ABCB4: variants seen among roughly 807,000 people sequenced by gnomAD.
ABCB4 encodes ATP binding cassette subfamily B member 4.
In ABCB4, 76 loss-of-function variants were observed where a neutral mutation model predicts 145.7. The ratio of observed to expected loss-of-function variants is 0.52; its 90% confidence interval spans 0.43 to 0.63. The LOEUF (loss-of-function observed/expected upper bound fraction) is 0.63. ABCB4 is among the 30% of genes least tolerant of loss of function. The pLI, the probability that ABCB4 is intolerant of heterozygous loss-of-function variation, is 0.00. For missense variants in ABCB4, 1,234 were observed against 1,553.1 expected, an observed-to-expected ratio of 0.79 and a Z score of 3.45; for synonymous variants, 517 against 566.8, an observed-to-expected ratio of 0.91 and a Z score of 1.25.
At position 87,409,238 on chromosome 7, in the gene ABCB4, G is replaced by T. The variant is rs758770046; in HGVS notation, c.3079C>A (p.Pro1027Thr). The change falls in exon 24 of 28, where the codon CCT becomes ACT. Residue 1027 changes from proline to threonine, a missense_variant and splice_region_variant. Physicochemically the swap from Pro to Thr is conservative, Grantham distance 38 (BLOSUM62 -1). Around this residue, in one of 7 missense-constraint regions of ABCB4, gnomAD observed 301 missense variants for 389.0 expected, o/e 0.77. Transcript: ENST00000649586. ...TCATCAGGCATCAGAGAACTTACAGGCTTCAGCCCCTCTTCACTGTAGCTG... is the reference window on the plus strand; with the variant it reads ...TCATCAGGCATCAGAGAACTTACAGTCTTCAGCCCCTCTTCACTGTAGCTG... ...IDSYSEEGLK[P>T]DKFEGNITFN... 14 of 1,613,856 alleles carry T rather than the reference G, an allele frequency of 8.7e-6. No homozygotes were observed. Among genetic ancestry groups the T allele is most frequent in the Non-Finnish European group, 1.2e-5 (14 of 1,179,958 alleles).
At chr7:87,425,292 T>C (rs1315607012) in intron 16 of ABCB4, among the ~76,000 whole-genome samples, 1 of 152,172 alleles carries the variant, frequency 6.6e-6, no homozygotes, top group Non-Finnish European at 1.5e-5. Context: ...TATAAAATAC[T>C]GGAGTTTAAA....
intron 21 of ABCB4, among the ~76,000 whole-genome samples, chr7:87,415,737 G>T (rs1808926187): frequency 6.6e-6 from 1 of 152,174 alleles, no homozygotes; most frequent in South Asian, 2.1e-4. Flanking sequence ...AATAACCCAA[G>T]ATTTTGTTTT....
downstream of ABCB4, among the ~76,000 whole-genome samples, chr7:87,396,994 T>G (rs1388950558): frequency 6.6e-6 from 1 of 152,222 alleles, no homozygotes; most frequent in Non-Finnish European, 1.5e-5. Flanking sequence ...TCATTACAAA[T>G]AATGTATAAG....
the ABCB4 span, among the ~76,000 whole-genome samples, chr7:87,372,548 A>G: frequency 1.3e-5 from 2 of 152,202 alleles, no homozygotes; most frequent in African/African-American, 4.8e-5. Context: ...CAGAATTTGA[A>G]TCACTATTTA....
chr7:87,367,904 C>T, the ABCB4 span, among the ~76,000 whole-genome samples: 1 of 152,166 alleles, frequency 6.6e-6, no homozygotes, highest in African/African-American at 2.4e-5. Flanking sequence ...ACTTGGCATA[C>T]CTTCTCTTCA....
chr7:87,367,318 G>T, the ABCB4 span, among the ~76,000 whole-genome samples: 1 of 152,152 alleles, frequency 6.6e-6, no homozygotes, highest in Admixed American at 6.5e-5. Context: ...AGGGGTTCAT[G>T]AGCCCAAGGA....
At chr7:87,434,368 C>A (rs1562971072) in intron 14 of ABCB4, among the ~76,000 whole-genome samples, 1 of 152,092 alleles carries the variant, frequency 6.6e-6, no homozygotes, top group Non-Finnish European at 1.5e-5. Flanking sequence ...TATCTTTCTT[C>A]AAGATCTTAT....
chr7:87,390,017 C>G, the ABCB4 span, among the ~76,000 whole-genome samples: 1 of 151,970 alleles, frequency 6.6e-6, no homozygotes, highest in Non-Finnish European at 1.5e-5. Context: ...TCCTACCTTT[C>G]TCTTATTGTA....
rs1156251299 is a variant in ABCB4 at position 87,408,103 on chromosome 7, A to G, written c.3213T>C (p.Ser1071=). 1 of 1,614,102 alleles carries G rather than the reference A, an allele frequency of 6.2e-7. No individual in the cohort carries two copies. The highest frequency in any genetic ancestry group is 1.3e-5 in the African/African-American group (1 of 74,944). Residue 1071 remains serine, a synonymous_variant, in exon 25 of 28, where the codon AGT becomes AGC. Coordinates refer to ENST00000649586, the MANE Select transcript of ABCB4 (RefSeq NM_000443.4). The part of the protein sequence containing the change: ...KGQTLALVGS[S]GCGKSTVVQL... ...GGACCACCGTGCTCTTCCCACAGCCACTGCTGCCCACCAGGGCTAGTGTCT... is the reference window on the plus strand; with the variant it reads ...GGACCACCGTGCTCTTCCCACAGCCGCTGCTGCCCACCAGGGCTAGTGTCT...
intron 22 of ABCB4, 32 bp from the exon 23 acceptor site, chr7:87,412,065 C>T (rs764407509): frequency 6.2e-7 from 1 of 1,612,688 alleles, no homozygotes; most frequent in South Asian, 1.1e-5. Flanking sequence ...TTGTAACCAT[C>T]TCTTCAGCCT....
intron 17 of ABCB4, 154 bp downstream of exon 17, chr7:87,423,752 C>T: frequency 1.2e-6 from 1 of 845,172 alleles, no homozygotes; most frequent in Non-Finnish European, 1.9e-6. Flanking sequence ...TTATCTTTTC[C>T]CTCACAGCTT....
the ABCB4 span, among the ~76,000 whole-genome samples, chr7:87,392,346 A>T: frequency 6.6e-6 from 1 of 152,156 alleles, no homozygotes; most frequent in Non-Finnish European, 1.5e-5. Context: ...CCACAAGTTC[A>T]TAGTTTCCTA....
intron 3 of ABCB4, among the ~76,000 whole-genome samples, chr7:87,469,471 C>T (rs1813196251): frequency 6.6e-6 from 1 of 152,184 alleles, no homozygotes; most frequent in Non-Finnish European, 1.5e-5. Flanking sequence ...ATCTAGAAAA[C>T]CCCATTGTCT....
At chr7:87,452,058 T>C (rs1811771728) in intron 6 of ABCB4, among the ~76,000 whole-genome samples, 2 of 152,198 alleles carry the variant, frequency 1.3e-5, no homozygotes, top group African/African-American at 4.8e-5. Context: ...CATTAACATT[T>C]TGAGCATAAA....
At chr7:87,421,575 T>C (rs746289448) in intron 18 of ABCB4, among the ~76,000 whole-genome samples, 5 of 152,188 alleles carry the variant, frequency 3.3e-5, no homozygotes, top group Non-Finnish European at 7.3e-5. Context: ...ACTTGATGGA[T>C]TGTATTATAT....
At position 87,451,674 on chromosome 7, in the gene ABCB4, CA is replaced by C; in HGVS notation, c.656del (p.Val219GlyfsTer2). ...GFIRGWKLTL[V>X]IMAISPILGL... is the part of the protein sequence containing the mutation. Reference sequence around the variant, plus strand: ...CTAGAATAGGGCTGATGGCCATTATCACAAGGGTGAGCTTCCATCCTCTGAT... The same window carrying C: ...CTAGAATAGGGCTGATGGCCATTATCCAAGGGTGAGCTTCCATCCTCTGAT... On this transcript the variant is annotated frameshift_variant, in exon 7 of 28. Coordinates refer to ENST00000649586, the MANE Select transcript of ABCB4 (RefSeq NM_000443.4). LOFTEE classifies it high-confidence loss of function. 1 of 1,614,164 alleles carries C rather than the reference CA, an allele frequency of 6.2e-7. No individual in the cohort carries two copies. Among genetic ancestry groups the C allele is most frequent in the South Asian group, 1.1e-5 (1 of 91,088 alleles).
intron 24 of ABCB4, 62 bp downstream of exon 24, chr7:87,409,174 C>A: frequency 1.9e-6 from 3 of 1,585,552 alleles, no homozygotes; most frequent in South Asian, 1.1e-5. Flanking sequence ...TAGCTATAAT[C>A]TAGCAGACAG....
At chr7:87,411,842 C>A (rs1239227244) in intron 23 of ABCB4, 51 bp downstream of exon 23, 8 of 1,576,840 alleles carry the variant, frequency 5.1e-6, no homozygotes, top group Non-Finnish European at 5.2e-6. Context: ...TTTGCATAAA[C>A]CTACTAAAAC....
intron 23 of ABCB4, among the ~76,000 whole-genome samples, chr7:87,409,652 A>G (rs1187087603): frequency 6.6e-6 from 1 of 152,162 alleles, no homozygotes; most frequent in Admixed American, 6.5e-5. Context: ...TCTTAGGACT[A>G]CTGTGACTTC....
Sources: gnomAD v4.1 joint callset for allele counts (sites outside exome capture counted in the v4.1 genomes callset) on GRCh38, gnomAD v4.1.1 for gene constraint, gnomAD v4.1.1 regional missense constraint, MANE v1.5 for transcripts, NCBI Gene and HGNC (gene_info 2026-07-23, HGNC 2026-07-21) for gene names.